Variants in MLXIP observed in about 807,000 individuals in gnomAD.
The protein encoded by MLXIP is MLX-interacting protein.
Under a neutral mutation model 87.2 loss-of-function variants are expected in MLXIP, and 30 were observed. That is an observed-to-expected ratio of 0.34 (90% CI 0.26 to 0.47). The LOEUF (loss-of-function observed/expected upper bound fraction) is 0.47. MLXIP is among the 20% of genes least tolerant of loss of function. The pLI is 1.00. For synonymous variants in MLXIP, 530 were observed against 514.0 expected, an observed-to-expected ratio of 1.03 and a Z score of -0.42; for missense variants, 1,002 against 1,240.1, an observed-to-expected ratio of 0.81 and a Z score of 2.88.
At chr12:122,120,880 C>T (rs1398449568) in intron 1 of MLXIP, among the ~76,000 whole-genome samples, 6 of 152,046 alleles carry the variant, frequency 3.9e-5, no homozygotes, top group Non-Finnish European at 8.8e-5. Flanking sequence ...GGGTGTCCCT[C>T]TAAGAAGCAC....
chr12:122,119,085 G>GTGAAA lies in MLXIP; in HGVS notation c.414-8167_414-8166insATGAA, dbSNP rs996876152. Among the ~76,000 whole-genome samples the GTGAAA allele has an allele frequency of 8.6e-5, 13 of 151,680 alleles. 1 individual carries two copies. Among genetic ancestry groups the GTGAAA allele is most frequent in the East Asian group, 4.0e-4 (2 of 5,054 alleles). On this transcript the variant is annotated intron_variant, in intron 1 of 16. Transcript: ENST00000319080. ...TTGGAGGCTAAGGAAGGACAGTGGCGTGAACCTGGGAGGTGGAGCTTGCAG... is the reference window on the plus strand; with the variant it reads ...TTGGAGGCTAAGGAAGGACAGTGGCGTGAAATGAACCTGGGAGGTGGAGCTTGCAG...
chr12:122,081,287 G>A (rs73417658), intron 1 of MLXIP, among the ~76,000 whole-genome samples: 4,483 of 152,188 alleles, frequency 0.029, 199 homozygotes, highest in African/African-American at 0.1. Flanking sequence ...ACAGGCCCTC[G>A]GATGGGATCT....
At position 122,135,820 on chromosome 12, in the gene MLXIP, G is replaced by GAAC. The variant is rs1353801146; in HGVS notation, c.2032+156_2032+158dup. 11 of 919,108 alleles carry GAAC rather than the reference G, an allele frequency of 1.2e-5. No individual in the cohort carries two copies. Among genetic ancestry groups the GAAC allele is most frequent in the Non-Finnish European group, 1.7e-5 (11 of 646,834 alleles). 56.9% of individuals were successfully genotyped at this position (919,108 alleles called of 1,614,324 possible). ...TAGGCCTGCTGATAACACAGTCTGG[G>GAAC]AACACGCTCTGTGGGTGGCAGGATG... On this transcript the variant is annotated intron_variant, in intron 11 of 16. Coordinates refer to ENST00000319080, the MANE Select transcript of MLXIP (RefSeq NM_014938.6). The surrounding 1 kb of genome is among the most constrained non-coding windows in gnomAD (Gnocchi z 5.3).
At position 122,145,009 on chromosome 12, in the gene MLXIP, G is replaced by C. The variant is rs1953275221; in HGVS notation, c.*3197G>C. 1 of 152,240 alleles carries C rather than the reference G, an allele frequency of 6.6e-6. No individual in the cohort carries two copies. Among genetic ancestry groups the C allele is most frequent in the Non-Finnish European group, 1.5e-5 (1 of 68,058 alleles). The allele number at this position is 152,240 out of a possible 1,614,324, so 9.4% of individuals were successfully genotyped here. On this transcript the variant is annotated 3_prime_UTR_variant, in exon 17 of 17. Coordinates refer to ENST00000319080, the MANE Select transcript of MLXIP (RefSeq NM_014938.6). ...GTGCTGTCAGCCCCTGCACTGCACT[G>C]CTGCCTTCCATGGTGGGTGGGAGAC...
intron 1 of MLXIP, among the ~76,000 whole-genome samples, chr12:122,101,134 A>G (rs1301758396): frequency 1.3e-5 from 2 of 152,246 alleles, no homozygotes; most frequent in Admixed American, 6.5e-5. Flanking sequence ...CTTTTTGCCA[A>G]TTATGAGATG....
At chr12:122,105,576 A>G (rs902909349) in intron 1 of MLXIP, among the ~76,000 whole-genome samples, 5 of 152,058 alleles carry the variant, frequency 3.3e-5, no homozygotes, top group Admixed American at 6.5e-5. Context: ...ACCTCAGGTG[A>G]TCTGCCTGAC....
At position 122,129,204 on chromosome 12, in the gene MLXIP, G is replaced by A; in HGVS notation, c.674G>A (p.Trp225Ter). 6.2e-7 allele frequency: 1 copy of A among 1,610,628 alleles called. No individual in the cohort carries two copies. Among genetic ancestry groups the A allele is most frequent in the Non-Finnish European group, 8.5e-7 (1 of 1,178,468 alleles). The change falls in exon 4 of 17, where the codon TGG becomes TAG. Residue 225 changes from tryptophan to a stop codon, truncating the protein, a stop_gained. Coordinates refer to ENST00000319080, the MANE Select transcript of MLXIP (RefSeq NM_014938.6). LOFTEE classifies it high-confidence loss of function. ...IEIVIREYHK[W>*]RTYFKKRLQQ... ...ATTGTGATCCGGGAGTATCACAAGT[G>A]GAGAACCTACTTCAAGAAAAGGGTA...
chr12:122,130,584 T>C (rs1190468021), intron 6 of MLXIP, among the ~76,000 whole-genome samples: 1 of 151,890 alleles, frequency 6.6e-6, no homozygotes, highest in African/African-American at 2.4e-5. Context: ...GGGAGGTCTC[T>C]GTTCTCTCTT....
intron 1 of MLXIP, among the ~76,000 whole-genome samples, chr12:122,112,743 G>C (rs1437451681): frequency 1.3e-5 from 2 of 152,118 alleles, no homozygotes; most frequent in African/African-American, 4.8e-5. Flanking sequence ...GTATGATGAA[G>C]ATGGACCTTT....
chr12:122,135,433 T>C lies in MLXIP; in HGVS notation c.1855-56T>C. On this transcript the variant is annotated intron_variant, in intron 10 of 16. Transcript: ENST00000319080. This position sits in a 1 kb window ranked among gnomAD's most constrained non-coding sequence, Gnocchi z 5.3. ...CGGCCCTCACCTGAGACGACTGGTG[T>C]GCCGCCCTGCTGTATATCAGCAGTC... 6.2e-7 allele frequency: 1 copy of C among 1,605,242 alleles called. No individual in the cohort carries two copies.
intron 1 of MLXIP, among the ~76,000 whole-genome samples, chr12:122,116,817 G>A (rs910314867): frequency 6.6e-6 from 1 of 152,214 alleles, no homozygotes; most frequent in African/African-American, 2.4e-5. Context: ...TCACTGTTTT[G>A]CAGAAGGTGG....
intron 1 of MLXIP, among the ~76,000 whole-genome samples, chr12:122,107,239 G>A (rs1460339538): frequency 1.3e-5 from 2 of 152,078 alleles, no homozygotes; most frequent in African/African-American, 4.8e-5. Context: ...CAGGACAGCT[G>A]TGAAACCCCC....
At chr12:122,107,471 G>A (rs552953080) in intron 1 of MLXIP, among the ~76,000 whole-genome samples, 7 of 152,048 alleles carry the variant, frequency 4.6e-5, no homozygotes, top group Non-Finnish European at 8.8e-5. Context: ...TTAATTGTGC[G>A]GTTCCCACAG....
chr12:122,138,384 G>T (rs756525607), intron 13 of MLXIP, 40 bp from the exon 14 acceptor site: 1 of 1,610,754 alleles, frequency 6.2e-7, no homozygotes, highest in Non-Finnish European at 8.5e-7. Flanking sequence ...CAGGCCTGCT[G>T]GCTGTGGGTG....
intron 1 of MLXIP, among the ~76,000 whole-genome samples, chr12:122,092,812 T>C (rs1006620233): frequency 6.6e-6 from 1 of 152,210 alleles, no homozygotes; most frequent in African/African-American, 2.4e-5. Context: ...TAAGTTAGAC[T>C]GAGGAGGGCT....
chr12:122,095,117 T>G (rs977397308), intron 1 of MLXIP, among the ~76,000 whole-genome samples: 112 of 146,132 alleles, frequency 7.7e-4, no homozygotes, highest in Non-Finnish European at 1.4e-3. Context: ...TTGGTGTGTG[T>G]GGGGTGTGGG....
intron 3 of MLXIP, chr12:122,128,898 C>T (rs1952925447): frequency 3.7e-6 from 2 of 535,802 alleles, no homozygotes; most frequent in Non-Finnish European, 6.7e-6. Context: ...AGCCTCAGGA[C>T]CGTGCCCCCA....
chr12:122,138,970 G>T, intron 15 of MLXIP, 32 bp downstream of exon 15: 2 of 1,612,094 alleles, frequency 1.2e-6, no homozygotes, highest in Non-Finnish European at 1.7e-6. Flanking sequence ...GCTCTTCCCG[G>T]CCCTCAGCCA....
At chr12:122,129,102 C>G in intron 3 of MLXIP, 35 bp from the exon 4 acceptor site, 1 of 1,529,666 alleles carries the variant, frequency 6.5e-7, no homozygotes, top group Non-Finnish European at 9.0e-7. Flanking sequence ...TCAAGCAGAG[C>G]CCCCTCTTCA....
Sources: allele counts gnomAD v4.1 joint callset (sites outside exome capture counted in the v4.1 genomes callset), GRCh38; gene constraint gnomAD v4.1.1; non-coding constraint Gnocchi (gnomAD v3.1); transcripts MANE v1.5; gene names NCBI Gene and HGNC (gene_info 2026-07-23, HGNC 2026-07-21).